The following PRKCI variants were observed in gnomAD, a reference collection of about 807,000 sequenced individuals.
The protein encoded by PRKCI is protein kinase C iota type.
A neutral mutation model predicts 84.0 loss-of-function variants in PRKCI; 43 were observed. That is an observed-to-expected ratio of 0.51 (90% CI 0.40 to 0.66). The LOEUF (loss-of-function observed/expected upper bound fraction) is 0.66, where lower values mean the gene tolerates loss of function less well. Ranked by LOEUF, PRKCI falls within the 30% of genes least tolerant of loss-of-function variation. The pLI is 0.00. For missense variants in PRKCI, 459 were observed against 745.6 expected (o/e 0.62, Z 4.48); for synonymous variants, 216 against 234.4 (o/e 0.92, Z 0.72).
At chr3:170,276,442 TTTTC>T in intron 8 of PRKCI, among the ~76,000 whole-genome samples, 1 of 151,690 alleles carries the variant, frequency 6.6e-6, no homozygotes, top group Middle Eastern at 3.4e-3. Flanking sequence ...AAAAGTCTTT[TTTTC>T]TTTTTAACTT....
intron 12 of PRKCI, among the ~76,000 whole-genome samples, chr3:170,285,916 A>ATT (rs553916153): frequency 1.3e-4 from 17 of 131,490 alleles, no homozygotes; most frequent in African/African-American, 2.3e-4. Flanking sequence ...GCTAATTTTA[A>ATT]TTTTTTTTTT....
At chr3:170,254,295 G>C (rs1733531374) in intron 2 of PRKCI, among the ~76,000 whole-genome samples, 1 of 152,006 alleles carries the variant, frequency 6.6e-6, no homozygotes, top group Non-Finnish European at 1.5e-5. Context: ...TTGTTTTGCA[G>C]AAACCTAAGT....
At chr3:170,237,089 A>T (rs2046917489) in intron 2 of PRKCI, among the ~76,000 whole-genome samples, 1 of 152,198 alleles carries the variant, frequency 6.6e-6, no homozygotes, top group South Asian at 2.1e-4. Flanking sequence ...AACAGAGTAG[A>T]AGTTTTTGAG....
rs1397484473 is a variant in PRKCI, at chr3:170,222,733, C to T, written c.64C>T (p.His22Tyr). Residue 22 changes from histidine to tyrosine, a missense_variant, in exon 1 of 18, where the codon CAT (histidine) becomes TAT (tyrosine). By Grantham distance (83) the His-to-Tyr change is moderately conservative. Transcript: ENST00000295797. ...GGTCGCAGGCGGCGGCAGCGGGGAC[C>T]ATTCCCACCAGGTCCGGGTGAAAGC... ...HTVAGGGSGDHSHQVRVKAYY... is the reference protein window; with the variant it reads ...HTVAGGGSGDYSHQVRVKAYY... The T allele has an allele frequency of 1.2e-6, 2 of 1,608,734 alleles. No homozygotes were observed. Among genetic ancestry groups the T allele is most frequent in the South Asian group, 2.2e-5 (2 of 90,592 alleles).
rs577190286 is a variant in PRKCI at position 170,246,307 on chromosome 3, C to T, written c.223+10956C>T. ...AGCTGGGATTACAGGCGCCTGCCAC[C>T]ATGCCCAGCTAATTTTTGTACTTTT... is the stretch of plus-strand genomic sequence containing the variant. On this transcript the variant is annotated intron_variant, in intron 2 of 17. Transcript: ENST00000295797. 2.8e-3 allele frequency among the ~76,000 whole-genome samples: 425 copies of T among 152,210 alleles called. 1 individual carries two copies. The highest frequency in any genetic ancestry group is 8.9e-3 in the African/African-American group (371 of 41,528).
In PRKCI at chr3:170,270,453, A is replaced by G; in HGVS notation, c.483A>G (p.Ile161Met). ...ACTGTGCCATCTGCACAGACCGAATATGGGGACTTGGACGCCAAGGATATA... is the reference window on the plus strand; with the variant it reads ...ACTGTGCCATCTGCACAGACCGAATGTGGGGACTTGGACGCCAAGGATATA... ...RAHCAICTDR[I>M]WGLGRQGYKC... Residue 161 changes from isoleucine to methionine, a missense_variant, in exon 6 of 18, where the codon ATA becomes ATG. By Grantham distance (10) the Ile-to-Met change is conservative. Around this residue, in one of 2 missense-constraint regions of PRKCI, gnomAD observed 250 missense variants for 319.7 expected, o/e 0.78. Transcript: ENST00000295797. 3 of 1,613,620 alleles carry G rather than the reference A, an allele frequency of 1.9e-6. No individual in the cohort carries two copies. Among genetic ancestry groups the G allele is most frequent in the Non-Finnish European group, 2.5e-6 (3 of 1,179,868 alleles).
At chr3:170,298,728 A>G (rs1026826453) in intron 16 of PRKCI, among the ~76,000 whole-genome samples, 1 of 151,840 alleles carries the variant, frequency 6.6e-6, no homozygotes, top group African/African-American at 2.4e-5. Context: ...TTTTATAGAG[A>G]TGGGATCTTG....
At chr3:170,300,898 A>G (rs774683326) in intron 17 of PRKCI, among the ~76,000 whole-genome samples, 4 of 151,948 alleles carry the variant, frequency 2.6e-5, no homozygotes, top group African/African-American at 7.3e-5. Context: ...CTCTGTGACT[A>G]CTTTCCTCTC....
chr3:170,265,896 C>T (rs990471153), intron 4 of PRKCI, among the ~76,000 whole-genome samples: 8 of 152,040 alleles, frequency 5.3e-5, no homozygotes, highest in Non-Finnish European at 7.4e-5. Flanking sequence ...GCTGGGATTA[C>T]GGGCGTGAGC....
chr3:170,273,875 T>C (rs1197285252), intron 7 of PRKCI, among the ~76,000 whole-genome samples: 2 of 151,218 alleles, frequency 1.3e-5, no homozygotes, highest in East Asian at 3.9e-4. Flanking sequence ...CTCACGGCTG[T>C]AATCTCATCA....
In PRKCI at chr3:170,285,661, G is replaced by A. The variant is rs947669390; in HGVS notation, c.1203+1065G>A. ...TATTATCTGTTCAGCATGCATTAAAGAATAAAATCTTCACTTAAACTATGT... is the reference window on the plus strand; with the variant it reads ...TATTATCTGTTCAGCATGCATTAAAAAATAAAATCTTCACTTAAACTATGT... On this transcript the variant is annotated intron_variant, in intron 12 of 17. Transcript: ENST00000295797. 1.3e-5 allele frequency among the ~76,000 whole-genome samples: 2 copies of A among 151,982 alleles called. 1 individual carries two copies. The highest frequency in any genetic ancestry group is 4.8e-5 in the African/African-American group (2 of 41,406).
At position 170,239,260 on chromosome 3, in the gene PRKCI, G is replaced by A. The variant is rs192102798; in HGVS notation, c.223+3909G>A. 3.6e-3 allele frequency among the ~76,000 whole-genome samples: 543 copies of A among 152,072 alleles called. 5 individuals carry two copies. Among genetic ancestry groups the A allele is most frequent in the African/African-American group, 0.012 (503 of 41,490 alleles). On this transcript the variant is annotated intron_variant, in intron 2 of 17. Transcript: ENST00000295797. The stretch of plus-strand genomic sequence containing the variant: ...GAAAGTTGAGTATCTTTATCTTTTT[G>A]ACCTACCCTATCACAAAGATAGTTT...
intron 2 of PRKCI, among the ~76,000 whole-genome samples, chr3:170,244,340 T>C (rs1056158920): frequency 2.6e-5 from 4 of 152,044 alleles, no homozygotes; most frequent in Admixed American, 2.6e-4. Context: ...CAGCCAGTGG[T>C]TTAATCAGTC....
intron 5 of PRKCI, among the ~76,000 whole-genome samples, chr3:170,269,395 C>G (rs778714595): frequency 1.1e-4 from 16 of 152,204 alleles, no homozygotes; most frequent in Non-Finnish European, 1.9e-4. Context: ...GGTGCAATGG[C>G]ACATGCCTGT....
At chr3:170,255,532 ATCTGT>A (rs2108846517) in intron 2 of PRKCI, among the ~76,000 whole-genome samples, 1 of 152,260 alleles carries the variant, frequency 6.6e-6, no homozygotes, top group African/African-American at 2.4e-5. Flanking sequence ...GAATTAGTTT[ATCTGT>A]TCTAATAGTT....
At chr3:170,238,493 T>G (rs924207718) in intron 2 of PRKCI, among the ~76,000 whole-genome samples, 1 of 151,770 alleles carries the variant, frequency 6.6e-6, no homozygotes, top group African/African-American at 2.4e-5. Flanking sequence ...TGCATAGTAT[T>G]ACATATTATA....
chr3:170,222,966 C>T (rs1340007018), intron 1 of PRKCI, among the ~76,000 whole-genome samples, 196 bp downstream of exon 1: 6 of 152,032 alleles, frequency 3.9e-5, no homozygotes, highest in Admixed American at 3.9e-4. Context: ...GGGGGCGCCC[C>T]CAGGTATGGC....
At chr3:170,249,264 T>G (rs75586360) in intron 2 of PRKCI, among the ~76,000 whole-genome samples, 3,196 of 152,294 alleles carry the variant, frequency 0.021, 52 homozygotes, top group East Asian at 0.085. Context: ...TCTTTTTTTT[T>G]GCTTTCTGGG....
chr3:170,279,003 A>G (rs1734182206), intron 8 of PRKCI, among the ~76,000 whole-genome samples: 3 of 152,182 alleles, frequency 2.0e-5, no homozygotes, highest in African/African-American at 4.8e-5. Context: ...TATACAAACT[A>G]TCACCTTGTT....
Sources: allele counts gnomAD v4.1 joint callset (sites outside exome capture counted in the v4.1 genomes callset), GRCh38; gene constraint gnomAD v4.1.1; regional missense constraint gnomAD v4.1.1; transcripts MANE v1.5; gene names NCBI Gene and HGNC (gene_info 2026-07-23, HGNC 2026-07-21).